The following KLHL11 variants were observed in gnomAD, a reference collection of about 807,000 sequenced individuals.
KLHL11 encodes the protein kelch-like protein 11.
In KLHL11, 26 loss-of-function variants were observed where a neutral mutation model predicts 56.1. The ratio of observed to expected loss-of-function variants is 0.46; its 90% CI spans 0.34 to 0.64. KLHL11 has a LOEUF of 0.64. Ranked by LOEUF, KLHL11 falls within the 30% of genes least tolerant of loss-of-function variation. KLHL11 has a pLI of 0.01. For synonymous variants in KLHL11, 338 were observed against 345.8 expected, an observed-to-expected ratio of 0.98 and a Z score of 0.25; for missense variants, 627 against 919.4, an observed-to-expected ratio of 0.68 and a Z score of 4.11.
rs1237426986 is a variant in KLHL11, at chr17:41,853,201, A to G, written c.*539T>C. On this transcript the variant is annotated 3_prime_UTR_variant, in exon 2 of 2. Coordinates refer to ENST00000319121, the MANE Select transcript of KLHL11 (RefSeq NM_018143.3). ...AGGAAACTGGCATTTCTAGATAAAC[A>G]TAAGAAAATATCAATGCAAACATTC... 6.6e-6 allele frequency among the ~76,000 whole-genome samples: 1 copy of G among 152,266 alleles called. No homozygotes were observed. The highest frequency in any genetic ancestry group is 1.5e-5 in the Non-Finnish European group (1 of 68,050).
rs1555622185 is a variant in KLHL11 at position 41,853,723 on chromosome 17, G to A, written c.*17C>T. On this transcript the variant is annotated 3_prime_UTR_variant, in exon 2 of 2. Coordinates refer to ENST00000319121, the MANE Select transcript of KLHL11 (RefSeq NM_018143.3). ...CGAAACGGGTGTAACAGTTTTAATC[G>A]GCACGCTTGAGAGAACCTAGCATTC... 7 of 1,588,682 alleles carry A rather than the reference G, an allele frequency of 4.4e-6. No homozygotes were observed. Among genetic ancestry groups the A allele is most frequent in the East Asian group, 4.5e-5 (2 of 44,462 alleles).
At chr17:41,863,190 CTT>C (rs58265395) in intron 1 of KLHL11, among the ~76,000 whole-genome samples, 1,853 of 132,950 alleles carry the variant, frequency 0.014, 15 homozygotes, top group Non-Finnish European at 0.018. Context: ...ATCCTTTGTT[CTT>C]TTTTTTTTTT....
rs1374776394 is a variant in KLHL11 at position 41,851,841 on chromosome 17, G to A, written c.*1899C>T. Among the ~76,000 whole-genome samples the A allele has an allele frequency of 1.3e-5, 2 of 151,568 alleles. No homozygotes were observed. Among genetic ancestry groups the A allele is most frequent in the Non-Finnish European group, 2.9e-5 (2 of 67,920 alleles). ...TGGCAGGATGGCTTGCATCCAGGAG[G>A]TGGAGGTTGTAGTGAGCCGAGATCA... On this transcript the variant is annotated 3_prime_UTR_variant, in exon 2 of 2. Transcript: ENST00000319121.
At chr17:41,858,218 CTTTTTTTTTTTT>C (rs1174225045) in intron 1 of KLHL11, among the ~76,000 whole-genome samples, 17 of 116,410 alleles carry the variant, frequency 1.5e-4, no homozygotes, top group African/African-American at 5.3e-4. Context: ...TCACCAGCCT[CTTTTTTTTTTTT>C]TTTTTTTTTT....
rs1555622350 is a variant in KLHL11 at position 41,854,776 on chromosome 17, A to G, written c.1091T>C (p.Ile364Thr). 5 of 1,614,198 alleles carry G rather than the reference A, an allele frequency of 3.1e-6. No individual in the cohort carries two copies. Among genetic ancestry groups the G allele is most frequent in the Non-Finnish European group, 4.2e-6 (5 of 1,180,032 alleles). ...GTCCCCTCCTTCTGACACACCTCCA[A>G]TAACCATGATCACATCCATGTTTTG... The part of the protein sequence containing the change: ...YGQNMDVIMV[I>T]GGVSEGGDYL... Residue 364 changes from isoleucine (I) to threonine (T), a missense_variant, in exon 2 of 2, where the codon ATT (isoleucine) becomes ACT (threonine). Ile to Thr is a moderately conservative substitution (Grantham distance 89). Around this residue, in one of 4 missense-constraint regions of KLHL11, gnomAD observed 106 missense variants for 227.0 expected, o/e 0.47. Coordinates refer to ENST00000319121, the MANE Select transcript of KLHL11 (RefSeq NM_018143.3). The surrounding 1 kb of genome is among the most constrained non-coding windows in gnomAD (Gnocchi z 4.9).
chr17:41,865,376 C>A lies in KLHL11; in HGVS notation c.-6G>T. ...GCCACTGCCGCAGCCGCCATCTTGA[C>A]GCCGCTGCGCCCGGCCTCCACAGCC... On this transcript the variant is annotated 5_prime_UTR_variant, in exon 1 of 2. Transcript: ENST00000319121. 1.4e-6 allele frequency: 2 copies of A among 1,396,860 alleles called. No individual in the cohort carries two copies. The highest frequency in any genetic ancestry group is 1.9e-6 in the Non-Finnish European group (2 of 1,075,100). 86.5% of individuals were successfully genotyped at this position (1,396,860 alleles called of 1,614,324 possible).
At position 41,851,221 on chromosome 17, in the gene KLHL11, C is replaced by T. The variant is rs951953324; in HGVS notation, c.*2519G>A. On this transcript the variant is annotated 3_prime_UTR_variant, in exon 2 of 2. Coordinates refer to ENST00000319121, the MANE Select transcript of KLHL11 (RefSeq NM_018143.3). ...ACCAGCCTGGCCAATAAGGTGAGAC[C>T]TCACATCTTAAAAAACCAAAACAAC... The T allele has an allele frequency of 6.6e-6, 1 of 152,116 alleles. No individual in the cohort carries two copies. The highest frequency in any genetic ancestry group is 1.5e-5 in the Non-Finnish European group (1 of 68,056). The allele number at this position is 152,116 out of a possible 1,614,324, so 9.4% of individuals were successfully genotyped here. A position where few individuals can be genotyped will look rare whatever the true frequency, so the allele number is the denominator to read the frequency against.
At position 41,851,782 on chromosome 17, in the gene KLHL11, G is replaced by GT. The variant is rs1212213159; in HGVS notation, c.*1957dup. ...AAAAATTAGCTGGGCGTGGTGGCGC[G>GT]TGCCCATAGTCCCAGCTACTCCGTA... is the stretch of plus-strand genomic sequence containing the variant. On this transcript the variant is annotated 3_prime_UTR_variant, in exon 2 of 2. Coordinates refer to ENST00000319121, the MANE Select transcript of KLHL11 (RefSeq NM_018143.3). Among the ~76,000 whole-genome samples the GT allele has an allele frequency of 2.0e-5, 3 of 151,134 alleles. No homozygotes were observed. Among genetic ancestry groups the GT allele is most frequent in the African/African-American group, 7.3e-5 (3 of 41,080 alleles).
chr17:41,864,452 C>T (rs2048424205), intron 1 of KLHL11, among the ~76,000 whole-genome samples: 1 of 152,226 alleles, frequency 6.6e-6, no homozygotes, highest in Non-Finnish European at 1.5e-5. Flanking sequence ...TTTGCACGGT[C>T]AGTTATTTTT....
intron 1 of KLHL11, among the ~76,000 whole-genome samples, chr17:41,862,181 C>G (rs1478217414): frequency 1.3e-5 from 2 of 151,784 alleles, no homozygotes; most frequent in Admixed American, 6.6e-5. Flanking sequence ...CTCCACCTCC[C>G]GGGTTCAAGC....
rs1401728601 is a variant in KLHL11 at position 41,852,070 on chromosome 17, G to A, written c.*1670C>T. Among the ~76,000 whole-genome samples, 1 of 152,140 alleles carries A rather than the reference G, an allele frequency of 6.6e-6. No individual in the cohort carries two copies. The highest frequency in any genetic ancestry group is 1.5e-5 in the Non-Finnish European group (1 of 68,034). The stretch of plus-strand genomic sequence containing the variant: ...CCGTCTCTCTGTCACCCAAGGTAGA[G>A]TGGCATGATCACAGCTCATTTCAGC... On this transcript the variant is annotated 3_prime_UTR_variant, in exon 2 of 2. Transcript: ENST00000319121.
At position 41,849,734 on chromosome 17, in the gene KLHL11, A is replaced by G. The variant is rs1369567272; in HGVS notation, c.*4006T>C. On this transcript the variant is annotated 3_prime_UTR_variant, in exon 2 of 2. Transcript: ENST00000319121. ...AACATCATGATACACAAGACTAATC[A>G]TGCAAACAACTGTAAGTGGGATGTG... The G allele has an allele frequency of 1.3e-5, 2 of 152,196 alleles. No homozygotes were observed. Among genetic ancestry groups the G allele is most frequent in the African/African-American group, 4.8e-5 (2 of 41,450 alleles). The allele number at this position is 152,196 out of a possible 1,614,324, so 9.4% of individuals were successfully genotyped here.
rs2048436846 is a variant in KLHL11 at position 41,865,355 on chromosome 17, C to T, written c.16G>A (p.Val6Met). The T allele has an allele frequency of 6.9e-7, 1 of 1,445,070 alleles. No individual in the cohort carries two copies. Among genetic ancestry groups the T allele is most frequent in the Non-Finnish European group, 9.0e-7 (1 of 1,112,518 alleles). The allele number at this position is 1,445,070 out of a possible 1,614,324, so 89.5% of individuals were successfully genotyped here. ...GCGGCCGCCGCCGCCGCCGCCGCCA[C>T]TGCCGCAGCCGCCATCTTGACGCCG... MAAAA[V>M]AAAAAAAAAA... The change falls in exon 1 of 2, where the codon GTG becomes ATG. Residue 6 changes from valine (V) to methionine (M), a missense_variant. Coordinates refer to ENST00000319121, the MANE Select transcript of KLHL11 (RefSeq NM_018143.3).
In KLHL11 at chr17:41,852,744, T is replaced by C. The variant is rs372936738; in HGVS notation, c.*996A>G. Among the ~76,000 whole-genome samples, 44 of 148,236 alleles carry C rather than the reference T, an allele frequency of 3.0e-4. No homozygotes were observed. The highest frequency in any genetic ancestry group is 1.1e-3 in the African/African-American group (43 of 39,812). Reference sequence around the variant, plus strand: ...AGGCAGAGGTTGCAGTGAGCCGAGATTGCACCACTGCACTCCAGCCTGGGC... The same window carrying C: ...AGGCAGAGGTTGCAGTGAGCCGAGACTGCACCACTGCACTCCAGCCTGGGC... On this transcript the variant is annotated 3_prime_UTR_variant, in exon 2 of 2. Transcript: ENST00000319121.
At chr17:41,857,803 C>T (rs2048375447) in intron 1 of KLHL11, among the ~76,000 whole-genome samples, 1 of 151,958 alleles carries the variant, frequency 6.6e-6, no homozygotes, top group Admixed American at 6.6e-5. Context: ...GCTACTGTGT[C>T]TGGCTGGAGG....
chr17:41,862,581 A>G (rs981421688), intron 1 of KLHL11, among the ~76,000 whole-genome samples: 2 of 151,466 alleles, frequency 1.3e-5, no homozygotes, highest in Admixed American at 6.6e-5. Flanking sequence ...CGCCCGGCCT[A>G]ATTTTTGTAT....
Position 41,854,297 on chromosome 17 carries a change from T to C in KLHL11, c.1570A>G (p.Ile524Val), listed in dbSNP as rs782330065. ...RDTEDGLKAVITCYDTETRQW... is the reference protein window; with the variant it reads ...RDTEDGLKAVVTCYDTETRQW... Reference sequence around the variant, plus strand: ...CGAGTCTCTGTATCATAGCAAGTAATTACAGCCTTTAATCCATCTTCAGTG... The same window carrying C: ...CGAGTCTCTGTATCATAGCAAGTAACTACAGCCTTTAATCCATCTTCAGTG... The change falls in exon 2 of 2, where the codon ATT (isoleucine) becomes GTT (valine). Residue 524 changes from isoleucine (I) to valine (V), a missense_variant. By Grantham distance (29) the Ile-to-Val change is conservative. Coordinates refer to ENST00000319121, the MANE Select transcript of KLHL11 (RefSeq NM_018143.3). This position sits in a 1 kb window ranked among gnomAD's most constrained non-coding sequence, Gnocchi z 4.9. 5.6e-6 allele frequency: 9 copies of C among 1,614,188 alleles called. No individual in the cohort carries two copies. Among genetic ancestry groups the C allele is most frequent in the East Asian group, 2.2e-5 (1 of 44,890 alleles).
rs782587665 is a variant in KLHL11, at chr17:41,850,391, C to T, written c.*3349G>A. 6.6e-5 allele frequency: 10 copies of T among 152,118 alleles called. No homozygotes were observed. Among genetic ancestry groups the T allele is most frequent in the Non-Finnish European group, 1.2e-4 (8 of 68,018 alleles). The allele number at this position is 152,118 out of a possible 1,614,324, so 9.4% of individuals were successfully genotyped here. ...AACAGTTTCAATCAAGGTTTTAAAACCAGATTATGCCTAAATCTTATGAGT... is the reference window on the plus strand; with the variant it reads ...AACAGTTTCAATCAAGGTTTTAAAATCAGATTATGCCTAAATCTTATGAGT... On this transcript the variant is annotated 3_prime_UTR_variant, in exon 2 of 2. Transcript: ENST00000319121.
intron 1 of KLHL11, among the ~76,000 whole-genome samples, chr17:41,860,257 A>C (rs529453958): frequency 3.3e-5 from 5 of 152,240 alleles, no homozygotes; most frequent in Admixed American, 2.0e-4. Flanking sequence ...GTCTGGAAGC[A>C]ATGCTCTATG....
Sources: allele counts gnomAD v4.1 joint callset (sites outside exome capture counted in the v4.1 genomes callset), GRCh38; gene constraint gnomAD v4.1.1; regional missense constraint gnomAD v4.1.1; non-coding constraint Gnocchi (gnomAD v3.1); transcripts MANE v1.5; gene names NCBI Gene and HGNC (gene_info 2026-07-23, HGNC 2026-07-21).